Variants in ARFGEF2 observed in about 807,000 individuals in gnomAD.
ARFGEF2 encodes the protein brefeldin A-inhibited guanine nucleotide-exchange protein 2.
In ARFGEF2, 74 loss-of-function variants were observed where a neutral mutation model predicts 219.9. The ratio of observed to expected loss-of-function variants is 0.34; its 90% CI spans 0.28 to 0.41. The LOEUF (loss-of-function observed/expected upper bound fraction) is 0.41, where lower values mean the gene tolerates loss of function less well. ARFGEF2 is among the 10% of genes least tolerant of loss of function. The pLI is 1.00. For synonymous variants in ARFGEF2, 733 were observed against 799.2 expected, an observed-to-expected ratio of 0.92 and a Z score of 1.40; for missense variants, 1,743 against 2,218.3, an observed-to-expected ratio of 0.79 and a Z score of 4.30.
At chr20:48,943,030 T>C (rs1396266604) in intron 3 of ARFGEF2, among the ~76,000 whole-genome samples, 4 of 152,220 alleles carry the variant, frequency 2.6e-5, no homozygotes, top group Non-Finnish European at 5.9e-5. Flanking sequence ...ACCTTCTTGC[T>C]GTTAGGAACA....
chr20:49,018,579 A>G (rs1405618731), intron 33 of ARFGEF2, among the ~76,000 whole-genome samples: 1 of 152,210 alleles, frequency 6.6e-6, no homozygotes, highest in African/African-American at 2.4e-5. Flanking sequence ...CTAGTAATTT[A>G]TCTTTGAACT....
chr20:49,006,649 C>T (rs1251620747), intron 26 of ARFGEF2, among the ~76,000 whole-genome samples: 1 of 152,188 alleles, frequency 6.6e-6, no homozygotes, highest in Non-Finnish European at 1.5e-5. Context: ...TGGCCATATG[C>T]TGCCTTGGCA....
intron 34 of ARFGEF2, among the ~76,000 whole-genome samples, chr20:49,020,773 G>A (rs2091560653): frequency 6.6e-6 from 1 of 152,068 alleles, no homozygotes; most frequent in African/African-American, 2.4e-5. Flanking sequence ...TCCAGATAAA[G>A]TAGTTAGTTT....
Position 49,025,314 on chromosome 20 carries a change from A to G in ARFGEF2, c.4757A>G (p.Gln1586Arg), listed in dbSNP as rs1413714413. ...EDAEHMVAAQ[Q>R]DTLDADIHIE... The stretch of plus-strand genomic sequence containing the variant: ...TCTATCCTCTGTCCTGTCCTCTAGC[A>G]AGACACGCTGGATGCAGATATCCAC... Residue 1586 changes from glutamine (Q) to arginine (R), a missense_variant and splice_region_variant, in exon 36 of 39, where the codon CAA (glutamine) becomes CGA (arginine). By Grantham distance (43) the Gln-to-Arg change is conservative. Around this residue, in one of 5 missense-constraint regions of ARFGEF2, gnomAD observed 578 missense variants for 664.0 expected, o/e 0.87. Coordinates refer to ENST00000371917, the MANE Select transcript of ARFGEF2 (RefSeq NM_006420.3). 3 of 1,609,396 alleles carry G rather than the reference A, an allele frequency of 1.9e-6. No homozygotes were observed. Among genetic ancestry groups the G allele is most frequent in the Non-Finnish European group, 2.5e-6 (3 of 1,177,682 alleles).
intron 26 of ARFGEF2, among the ~76,000 whole-genome samples, chr20:49,005,679 A>G (rs2091453762): frequency 1.4e-5 from 2 of 145,164 alleles, no homozygotes; most frequent in Admixed American, 1.5e-4. Context: ...CAGAGCTTGC[A>G]GTGAGCCAAG....
At chr20:49,016,053 TA>T (rs1255762556) in intron 30 of ARFGEF2, among the ~76,000 whole-genome samples, 2 of 152,240 alleles carry the variant, frequency 1.3e-5, no homozygotes, top group Non-Finnish European at 2.9e-5. Context: ...GTTTTTTATT[TA>T]TTTTTTTATT....
chr20:48,989,032 G>A (rs780765378), intron 18 of ARFGEF2, among the ~76,000 whole-genome samples: 3 of 152,084 alleles, frequency 2.0e-5, no homozygotes, highest in Non-Finnish European at 4.4e-5. Context: ...TTAGAGTGTG[G>A]CTCTAGAGCC....
Position 48,993,665 on chromosome 20 carries a change from A to G in ARFGEF2, c.2974-786A>G, listed in dbSNP as rs1184660169. Among the ~76,000 whole-genome samples the G allele has an allele frequency of 6.6e-5, 10 of 152,304 alleles. No homozygotes were observed. In the East Asian group the frequency reaches 1.9e-3, roughly 29 times the overall value. On this transcript the variant is annotated intron_variant, in intron 21 of 38. Coordinates refer to ENST00000371917, the MANE Select transcript of ARFGEF2 (RefSeq NM_006420.3). ...TCATGTAGCCAGTGTTTCCTCTGAC[A>G]GAAGTTGGGACCAGTTTCTGTTTCT...
At chr20:48,975,311 G>A (rs1367904297) in intron 13 of ARFGEF2, among the ~76,000 whole-genome samples, 1 of 152,074 alleles carries the variant, frequency 6.6e-6, no homozygotes, top group East Asian at 1.9e-4. Flanking sequence ...GCCTCCCAAA[G>A]CTCTGGGATT....
At chr20:48,989,977 C>T (rs780748916) in intron 20 of ARFGEF2, among the ~76,000 whole-genome samples, 8 of 152,212 alleles carry the variant, frequency 5.3e-5, no homozygotes, top group Non-Finnish European at 1.2e-4. Flanking sequence ...GTTGGGAGTT[C>T]GAGACCAGCC....
In ARFGEF2 at chr20:49,033,164, T is replaced by C; in HGVS notation, c.5323T>C (p.Ser1775Pro). 1 of 1,614,186 alleles carries C rather than the reference T, an allele frequency of 6.2e-7. No homozygotes were observed. The highest frequency in any genetic ancestry group is 8.5e-7 in the Non-Finnish European group (1 of 1,180,012). ...VYKIWIPEEPSQVPAALSPVW is the reference protein window; with the variant it reads ...VYKIWIPEEPPQVPAALSPVW The stretch of plus-strand genomic sequence containing the variant: ...TAAGATATGGATACCAGAAGAGCCA[T>C]CACAGGTACCAGCAGCACTGTCACC... Residue 1775 changes from serine (S) to proline (P), a missense_variant, in exon 39 of 39, where the codon TCA becomes CCA. Coordinates refer to ENST00000371917, the MANE Select transcript of ARFGEF2 (RefSeq NM_006420.3).
At chr20:48,974,479 GA>G (rs2091248433) in intron 12 of ARFGEF2, among the ~76,000 whole-genome samples, 1 of 152,034 alleles carries the variant, frequency 6.6e-6, no homozygotes, top group Admixed American at 6.6e-5. Context: ...AGCAATGAAT[GA>G]AAACTTCTTT....
At chr20:49,015,423 A>G (rs1200506863) in intron 30 of ARFGEF2, among the ~76,000 whole-genome samples, 2 of 152,132 alleles carry the variant, frequency 1.3e-5, no homozygotes, top group African/African-American at 4.8e-5. Flanking sequence ...TTTCTTCTAC[A>G]ATGTTGTTTT....
At chr20:48,925,300 T>A (rs975515588) in intron 1 of ARFGEF2, among the ~76,000 whole-genome samples, 1 of 152,250 alleles carries the variant, frequency 6.6e-6, no homozygotes, top group Non-Finnish European at 1.5e-5. Flanking sequence ...TGTGAGAGTA[T>A]TCATCGCCCC....
intron 1 of ARFGEF2, among the ~76,000 whole-genome samples, chr20:48,934,609 G>A (rs1299975275): frequency 6.6e-6 from 1 of 152,106 alleles, no homozygotes; most frequent in East Asian, 1.9e-4. Context: ...GTGGTGTTTG[G>A]TTTTCTGTTC....
chr20:49,035,439 AACC>A lies in ARFGEF2; in HGVS notation c.*2242_*2244del, dbSNP rs1459320371. The A allele has an allele frequency of 6.6e-6, 1 of 152,224 alleles. No individual in the cohort carries two copies. The highest frequency in any genetic ancestry group is 1.5e-5 in the Non-Finnish European group (1 of 68,046). 9.4% of individuals were successfully genotyped at this position (152,224 alleles called of 1,614,324 possible). The stretch of plus-strand genomic sequence containing the variant: ...TGGACTTTTAAAAAATTGGATGTAA[AACC>A]ATTCAGGGTGATTTTTCTTGTCAGT... On this transcript the variant is annotated 3_prime_UTR_variant, in exon 39 of 39. Coordinates refer to ENST00000371917, the MANE Select transcript of ARFGEF2 (RefSeq NM_006420.3).
intron 25 of ARFGEF2, 122 bp from the exon 26 acceptor site, chr20:49,004,948 C>A: frequency 1.8e-6 from 2 of 1,090,220 alleles, no homozygotes; most frequent in South Asian, 2.5e-5. Context: ...TTCTTTTCTC[C>A]TTAGGTGTGT....
intron 16 of ARFGEF2, 72 bp from the exon 17 acceptor site, chr20:48,988,232 G>A: frequency 9.0e-7 from 1 of 1,115,092 alleles, no homozygotes; most frequent in Non-Finnish European, 1.4e-6. Context: ...CTCGTGAAGT[G>A]TGTCTCTGTT....
rs1360632983 is a variant in ARFGEF2, at chr20:49,036,579, AATTAT to A, written c.*3383_*3387del. 9.6e-6 allele frequency: 2 copies of A among 209,250 alleles called. No homozygotes were observed. The highest frequency in any genetic ancestry group is 2.1e-4 in the East Asian group (2 of 9,748). The allele number at this position is 209,250 out of a possible 1,614,324, so 13.0% of individuals were successfully genotyped here. On this transcript the variant is annotated 3_prime_UTR_variant, in exon 39 of 39. Transcript: ENST00000371917. Reference sequence around the variant, plus strand: ...TATAAATTTTTGAAAGAATAAGCAGAATTATATAATATGAAATGCTATGTAAAGTT... The same window carrying A: ...TATAAATTTTTGAAAGAATAAGCAGAATAATATGAAATGCTATGTAAAGTT...
Sources: gnomAD v4.1 joint callset for allele counts (sites outside exome capture counted in the v4.1 genomes callset) on GRCh38, gnomAD v4.1.1 for gene constraint, gnomAD v4.1.1 regional missense constraint, MANE v1.5 for transcripts, NCBI Gene and HGNC (gene_info 2026-07-23, HGNC 2026-07-21) for gene names.